The following KALRN variants were observed in gnomAD, a reference collection of about 807,000 sequenced individuals.
KALRN encodes kalirin RhoGEF kinase.
In KALRN, 70 loss-of-function variants were observed where a neutral mutation model predicts 353.7. The observed-to-expected ratio is 0.20, with a 90% CI of 0.16 to 0.24. The LOEUF is 0.24. KALRN is among the 10% of genes least tolerant of loss of function. KALRN has a pLI of 1.00. For missense variants in KALRN, 2,791 were observed against 3,756.7 expected (o/e 0.74, Z 6.72); for synonymous variants, 1,391 against 1,434.8 (o/e 0.97, Z 0.69).
chr3:124,597,395 A>C (rs1223192153), intron 34 of KALRN, among the ~76,000 whole-genome samples: 2 of 152,248 alleles, frequency 1.3e-5, no homozygotes, highest in African/African-American at 4.8e-5. Flanking sequence ...CAGTGCTGCG[A>C]GGTCCTGCCA....
chr3:124,670,532 C>G (rs1559816939), intron 47 of KALRN, among the ~76,000 whole-genome samples: 1 of 152,178 alleles, frequency 6.6e-6, no homozygotes, highest in African/African-American at 2.4e-5. Context: ...CATCTCAGAG[C>G]CAATCTTTCC....
intron 30 of KALRN, 78 bp from the exon 31 acceptor site, chr3:124,491,245 T>A: frequency 1.0e-6 from 1 of 966,058 alleles, no homozygotes. Context: ...CTTTGTTGCC[T>A]TTCCCTTCCC....
At chr3:124,538,260 TTG>T (rs113800335) in intron 33 of KALRN, among the ~76,000 whole-genome samples, 12 of 150,052 alleles carry the variant, frequency 8.0e-5, no homozygotes, top group Middle Eastern at 3.5e-3. Flanking sequence ...GTGTGTGTGT[TTG>T]TGTGTGTGTG....
At chr3:124,131,448 T>C (rs1450684647) in intron 1 of KALRN, among the ~76,000 whole-genome samples, 1 of 152,208 alleles carries the variant, frequency 6.6e-6, no homozygotes, top group Non-Finnish European at 1.5e-5. Flanking sequence ...GTATAAGCTA[T>C]CAAGGAGTTT....
intron 2 of KALRN, among the ~76,000 whole-genome samples, chr3:124,230,653 C>T (rs181672030): frequency 1.3e-3 from 202 of 152,112 alleles, no homozygotes; most frequent in African/African-American, 4.6e-3. Context: ...GCATAGCTCT[C>T]CCCCATTTGC....
chr3:124,383,438 A>G (rs904746039), intron 10 of KALRN, among the ~76,000 whole-genome samples: 8 of 152,206 alleles, frequency 5.3e-5, no homozygotes, highest in African/African-American at 1.7e-4. Flanking sequence ...TATGAGGGAG[A>G]AATCTACCCT....
chr3:124,398,428 T>G (rs2090438712), intron 12 of KALRN, among the ~76,000 whole-genome samples: 1 of 152,214 alleles, frequency 6.6e-6, no homozygotes, highest in Non-Finnish European at 1.5e-5. Context: ...TATTTCATCT[T>G]ATTTCTTTCA....
At chr3:124,642,807 T>TTTTTTTGTTGTTGTTG (rs1553707040) in intron 37 of KALRN, among the ~76,000 whole-genome samples, 33 of 87,628 alleles carry the variant, frequency 3.8e-4, no homozygotes, top group South Asian at 1.3e-3. Context: ...CCAAGCCTCG[T>TTTTTTTGTTGTTGTTG]TTTTTTTTTT....
chr3:124,453,285 G>T (rs2058978539), intron 21 of KALRN, among the ~76,000 whole-genome samples: 1 of 152,106 alleles, frequency 6.6e-6, no homozygotes, highest in Non-Finnish European at 1.5e-5. Flanking sequence ...CAAAGCTCTT[G>T]CCCTTTATCT....
intron 53 of KALRN, among the ~76,000 whole-genome samples, chr3:124,694,942 T>C (rs1336053376): frequency 6.6e-6 from 1 of 152,228 alleles, no homozygotes; most frequent in Non-Finnish European, 1.5e-5. Context: ...GATCTTTCCC[T>C]ACAGATCCCC....
At chr3:124,480,575 T>C (rs933534530) in intron 27 of KALRN, among the ~76,000 whole-genome samples, 15 of 152,208 alleles carry the variant, frequency 9.9e-5, no homozygotes, top group Non-Finnish European at 2.1e-4. Context: ...ATTTTTCCCA[T>C]TTAAAGTATG....
At chr3:124,612,630 C>G (rs1470941934) in intron 34 of KALRN, among the ~76,000 whole-genome samples, 1 of 152,080 alleles carries the variant, frequency 6.6e-6, no homozygotes, top group Non-Finnish European at 1.5e-5. Flanking sequence ...AGCCGTCGAG[C>G]CCAGCCGTCA....
chr3:124,108,193 C>G (rs1406717098), intron 1 of KALRN, among the ~76,000 whole-genome samples: 1 of 152,138 alleles, frequency 6.6e-6, no homozygotes, highest in Non-Finnish European at 1.5e-5. Flanking sequence ...CCATACTCTG[C>G]CCTGGGGGTA....
At chr3:124,660,840 G>A (rs1016060182) in intron 43 of KALRN, 83 bp from the exon 44 acceptor site, 3 of 955,494 alleles carry the variant, frequency 3.1e-6, no homozygotes, top group Non-Finnish European at 5.2e-6. Context: ...GGGTGTTATT[G>A]TATTTTTATG....
At chr3:124,187,238 G>A (rs186464079) in intron 1 of KALRN, among the ~76,000 whole-genome samples, 6 of 152,126 alleles carry the variant, frequency 3.9e-5, no homozygotes, top group South Asian at 2.1e-4. Flanking sequence ...CCACCACCAC[G>A]CCCAGCTAAT....
chr3:124,672,260 C>T (rs1167389535), intron 48 of KALRN, among the ~76,000 whole-genome samples: 4 of 152,206 alleles, frequency 2.6e-5, no homozygotes, highest in Non-Finnish European at 5.9e-5. Flanking sequence ...GAAGTAGCAT[C>T]TTTTAATGCT....
intron 37 of KALRN, among the ~76,000 whole-genome samples, chr3:124,640,679 T>C (rs1373236910): frequency 6.6e-6 from 1 of 152,082 alleles, no homozygotes; most frequent in Non-Finnish European, 1.5e-5. Context: ...ATGTGGTCCA[T>C]GTAATTTGAA....
intron 23 of KALRN, among the ~76,000 whole-genome samples, chr3:124,457,348 G>A (rs569362248): frequency 6.6e-6 from 1 of 152,184 alleles, no homozygotes; most frequent in South Asian, 2.1e-4. Flanking sequence ...GGGATTATAG[G>A]CATGAGCCAC....
intron 33 of KALRN, among the ~76,000 whole-genome samples, chr3:124,499,170 A>C (rs1393225259): frequency 6.6e-6 from 1 of 152,108 alleles, no homozygotes; most frequent in Non-Finnish European, 1.5e-5. Flanking sequence ...AAGCATAACC[A>C]TTAAAGAGCC....
Sources: allele counts gnomAD v4.1 joint callset (sites outside exome capture counted in the v4.1 genomes callset), GRCh38; gene constraint gnomAD v4.1.1; transcripts MANE v1.5; gene names NCBI Gene and HGNC (gene_info 2026-07-23, HGNC 2026-07-21).